The following CDH18 variants were observed in gnomAD, a reference collection of about 807,000 sequenced individuals.
The protein encoded by CDH18 is cadherin-18.
In CDH18, 31 loss-of-function variants were observed where a neutral mutation model predicts 67.9. The ratio of observed to expected loss-of-function variants is 0.46; its 90% CI spans 0.34 to 0.62. The LOEUF (loss-of-function observed/expected upper bound fraction) is 0.62. CDH18 is among the 20% of genes least tolerant of loss of function. The pLI, the probability that CDH18 is intolerant of heterozygous loss-of-function variation, is 0.01. For synonymous variants in CDH18, 362 were observed against 347.2 expected, an observed-to-expected ratio of 1.04 and a Z score of -0.48; for missense variants, 890 against 975.5, an observed-to-expected ratio of 0.91 and a Z score of 1.17.
At chr5:20,042,497 A>T (rs1439460618) in intron 2 of CDH18, among the ~76,000 whole-genome samples, 1 of 152,044 alleles carries the variant, frequency 6.6e-6, no homozygotes, top group Non-Finnish European at 1.5e-5. Context: ...GTCAGGAGAC[A>T]TTTTTTTTCA....
In CDH18 at chr5:19,472,480, T is replaced by G. The variant is rs551878671; in HGVS notation, c.*746A>C. ...TCATAACATACCTTAAACTATTCTTTCTGTCCATTTAAAAATAGGAGTATC... is the reference window on the plus strand; with the variant it reads ...TCATAACATACCTTAAACTATTCTTGCTGTCCATTTAAAAATAGGAGTATC... On this transcript the variant is annotated 3_prime_UTR_variant, in exon 13 of 13. Transcript: ENST00000382275. Among the ~76,000 whole-genome samples, 70 of 152,264 alleles carry G rather than the reference T, an allele frequency of 4.6e-4. No homozygotes were observed. Among genetic ancestry groups the G allele is most frequent in the African/African-American group, 1.7e-3 (69 of 41,558 alleles).
At chr5:19,625,328 T>G (rs908037969) in intron 5 of CDH18, among the ~76,000 whole-genome samples, 1 of 152,138 alleles carries the variant, frequency 6.6e-6, no homozygotes, top group African/African-American at 2.4e-5. Context: ...ATTTGTTTTT[T>G]TTTTCCCCAC....
At chr5:19,796,582 T>G (rs1776883680) in intron 3 of CDH18, among the ~76,000 whole-genome samples, 1 of 151,774 alleles carries the variant, frequency 6.6e-6, no homozygotes, top group South Asian at 2.1e-4. Flanking sequence ...CTAAAGGGAG[T>G]TCTTCAAATA....
At chr5:20,509,422 T>TTTTA (rs36069562) in intron 1 of CDH18, among the ~76,000 whole-genome samples, 1 of 151,132 alleles carries the variant, frequency 6.6e-6, no homozygotes, top group Admixed American at 6.6e-5. Context: ...TTTTTTTTTT[T>TTTTA]AGATGGAGTC....
intron 10 of CDH18, among the ~76,000 whole-genome samples, chr5:19,503,946 G>C (rs970403899): frequency 7.9e-5 from 12 of 152,062 alleles, no homozygotes; most frequent in Admixed American, 2.0e-4. Flanking sequence ...GAAACAAAGA[G>C]AGAGAAGATA....
chr5:20,414,776 T>A (rs1378518395), intron 1 of CDH18, among the ~76,000 whole-genome samples: 1 of 152,126 alleles, frequency 6.6e-6, no homozygotes, highest in Admixed American at 6.5e-5. Flanking sequence ...GAGATATCGT[T>A]TCATACCTGT....
At chr5:19,865,429 A>G (rs980453822) in intron 2 of CDH18, among the ~76,000 whole-genome samples, 3 of 152,172 alleles carry the variant, frequency 2.0e-5, no homozygotes, top group African/African-American at 7.2e-5. Flanking sequence ...AATTATTCAA[A>G]TGCTGGTAAA....
chr5:19,844,751 T>G (rs151114318), intron 2 of CDH18, among the ~76,000 whole-genome samples: 188 of 152,294 alleles, frequency 1.2e-3, no homozygotes, highest in Middle Eastern at 6.8e-3. Context: ...TCTGCAGATA[T>G]GACAGACAGA....
intron 4 of CDH18, among the ~76,000 whole-genome samples, chr5:19,734,521 G>A (rs553528042): frequency 6.6e-6 from 1 of 152,022 alleles, no homozygotes; most frequent in South Asian, 2.1e-4. Context: ...TTCACCAAAG[G>A]CCTTATGGTA....
chr5:19,927,289 C>T (rs1280080038), intron 2 of CDH18, among the ~76,000 whole-genome samples: 1 of 152,106 alleles, frequency 6.6e-6, no homozygotes, highest in African/African-American at 2.4e-5. Context: ...ACACAGCAGG[C>T]GGCATGAGCT....
intron 1 of CDH18, among the ~76,000 whole-genome samples, chr5:20,530,015 A>G (rs1261446667): frequency 6.6e-6 from 1 of 152,072 alleles, no homozygotes; most frequent in African/African-American, 2.4e-5. Context: ...AAAGCTTCTT[A>G]AGCAGATAAG....
chr5:20,552,944 AG>A (rs1319430833), intron 1 of CDH18, among the ~76,000 whole-genome samples: 1 of 151,166 alleles, frequency 6.6e-6, no homozygotes, highest in Non-Finnish European at 1.5e-5. Flanking sequence ...TAGTAGAGAC[AG>A]GGTTTCACCA....
intron 2 of CDH18, among the ~76,000 whole-genome samples, chr5:19,921,785 G>T (rs1211719770): frequency 6.6e-6 from 1 of 151,970 alleles, no homozygotes; most frequent in Non-Finnish European, 1.5e-5. Flanking sequence ...AATTAGTAAA[G>T]ATAATTTTTA....
chr5:19,920,620 TC>T (rs1180784618), intron 2 of CDH18, among the ~76,000 whole-genome samples: 20 of 151,058 alleles, frequency 1.3e-4, no homozygotes, highest in African/African-American at 4.9e-4. Context: ...TTCAAACGAT[TC>T]TCCTGCCTCA....
intron 1 of CDH18, among the ~76,000 whole-genome samples, chr5:20,495,296 C>G (rs1753840109): frequency 6.6e-6 from 1 of 152,054 alleles, no homozygotes; most frequent in South Asian, 2.1e-4. Context: ...CAAAGTTTTA[C>G]TGTATAAATG....
intron 2 of CDH18, among the ~76,000 whole-genome samples, chr5:20,027,906 C>T (rs541917522): frequency 3.3e-3 from 495 of 152,230 alleles, no homozygotes; most frequent in Non-Finnish European, 6.0e-3. Flanking sequence ...AGATGAGTGG[C>T]CTTTGCCCTT....
At chr5:20,546,316 T>C (rs1400798905) in intron 1 of CDH18, among the ~76,000 whole-genome samples, 1 of 152,184 alleles carries the variant, frequency 6.6e-6, no homozygotes, top group Non-Finnish European at 1.5e-5. Flanking sequence ...TCCAAACTCA[T>C]TTCCACATTT....
intron 2 of CDH18, among the ~76,000 whole-genome samples, chr5:20,233,908 C>T (rs1742274438): frequency 6.6e-6 from 1 of 152,016 alleles, no homozygotes; most frequent in Non-Finnish European, 1.5e-5. Flanking sequence ...GGCTTATGGT[C>T]TATTTTATTC....
At chr5:19,547,961 CT>C (rs1736628674) in intron 8 of CDH18, among the ~76,000 whole-genome samples, 1 of 152,064 alleles carries the variant, frequency 6.6e-6, no homozygotes, top group African/African-American at 2.4e-5. Flanking sequence ...CTATTCAAGA[CT>C]ATTTTGAAGA....
Sources: allele counts gnomAD v4.1 joint callset (sites outside exome capture counted in the v4.1 genomes callset), GRCh38; gene constraint gnomAD v4.1.1; transcripts MANE v1.5; gene names NCBI Gene and HGNC (gene_info 2026-07-23, HGNC 2026-07-21).